The following NUAK2 variants were observed in gnomAD, a reference collection of about 807,000 sequenced individuals.
The protein encoded by NUAK2 is NUAK family kinase 2.
Under a neutral mutation model 29.8 loss-of-function variants are expected in NUAK2, and 20 were observed. The ratio of observed to expected loss-of-function variants is 0.67; its 90% confidence interval spans 0.47 to 0.98. The LOEUF (loss-of-function observed/expected upper bound fraction) is 0.98. Among genes scored for constraint, NUAK2 ranks in the 50% least tolerant of loss-of-function variants. The probability of loss-of-function intolerance (pLI) is 0.00; values close to 1 mark genes in which losing one functional copy is unlikely to be tolerated. For synonymous variants in NUAK2, 331 were observed against 342.6 expected (o/e 0.97, Z 0.37); for missense variants, 719 against 834.5 (o/e 0.86, Z 1.71).
intron 6 of NUAK2, 88 bp downstream of exon 6, chr1:205,305,111 G>T: frequency 1.3e-6 from 2 of 1,519,114 alleles, no homozygotes; most frequent in South Asian, 2.5e-5. Flanking sequence ...TTGCCCGTTT[G>T]ACTTTAGTGC....
rs141334646 is a variant in NUAK2 at position 205,303,653 on chromosome 1, G to A, written c.1684C>T (p.Arg562Trp). ...CCCCGCAGTGGGGGCTCTGGGAGCC[G>A]TTCAGGCAAGTCCAGCTGGTCAAAG... The part of the protein sequence containing the change: ...ESFDQLDLPE[R>W]LPEPPLRGCV... Residue 562 changes from arginine to tryptophan, a missense_variant, in exon 7 of 7, where the codon CGG becomes TGG. Arg to Trp is a moderately radical substitution (Grantham distance 101). Around this residue, in one of 3 missense-constraint regions of NUAK2, gnomAD observed 430 missense variants for 465.7 expected, o/e 0.92. Transcript: ENST00000367157. 1.5e-5 allele frequency: 23 copies of A among 1,578,422 alleles called. No homozygotes were observed. The highest frequency in any genetic ancestry group is 5.6e-5 in the Admixed American group (3 of 53,826).
At position 205,308,594 on chromosome 1, in the gene NUAK2, T is replaced by C. The variant is rs756261319; in HGVS notation, c.491A>G (p.His164Arg). The C allele has an allele frequency of 6.2e-6, 10 of 1,613,742 alleles. No homozygotes were observed. The highest frequency in any genetic ancestry group is 8.5e-6 in the Non-Finnish European group (10 of 1,179,900). Residue 164 changes from histidine to arginine, a missense_variant, in exon 3 of 7, where the codon CAC (histidine) becomes CGC (arginine). His to Arg is a conservative substitution (Grantham distance 29). This residue lies in a region of NUAK2 where 283 missense variants were observed against 345.6 expected (regional missense o/e 0.82). Coordinates refer to ENST00000367157, the MANE Select transcript of NUAK2 (RefSeq NM_030952.3). This position sits in a 1 kb window ranked among gnomAD's most constrained non-coding sequence, Gnocchi z 4.1. The part of the protein sequence containing the change: ...HFFRQIVSAV[H>R]YCHQNRVVHR... The stretch of plus-strand genomic sequence containing the variant: ...GTAGGTGCTCACCTGATGGCAATAG[T>C]GCACGGCAGAGACGATCTGCCGGAA...
chr1:205,303,458 G>A lies in NUAK2; in HGVS notation c.1879C>T (p.Leu627Phe). The A allele has an allele frequency of 1.9e-6, 3 of 1,584,714 alleles. No homozygotes were observed. The highest frequency in any genetic ancestry group is 2.6e-6 in the Non-Finnish European group (3 of 1,165,320). ...YRQALRVCSK[L>F]T ...GGCAATGCCTACTCCACTCAGGTGA[G>A]CTTTGAGCAGACCCTCAGTGCCTGT... is the stretch of plus-strand genomic sequence containing the variant. The change falls in exon 7 of 7, where the codon CTC (leucine) becomes TTC (phenylalanine). Residue 627 changes from leucine to phenylalanine, a missense_variant. Coordinates refer to ENST00000367157, the MANE Select transcript of NUAK2 (RefSeq NM_030952.3).
rs1662206320 is a variant in NUAK2 at position 205,308,107 on chromosome 1, C to T, written c.570+58G>A. On this transcript the variant is annotated intron_variant, in intron 4 of 6. Transcript: ENST00000367157. The surrounding 1 kb of genome is among the most constrained non-coding windows in gnomAD (Gnocchi z 4.1). Reference sequence around the variant, plus strand: ...GAGCTTAGAGCTACTTGGCTGGGGACAGTGCAGAAAAGCTGGGGTGGGCAA... The same window carrying T: ...GAGCTTAGAGCTACTTGGCTGGGGATAGTGCAGAAAAGCTGGGGTGGGCAA... The T allele has an allele frequency of 7.0e-6, 8 of 1,145,988 alleles. No individual in the cohort carries two copies. Among genetic ancestry groups the T allele is most frequent in the Non-Finnish European group, 1.0e-5 (8 of 763,188 alleles). The allele number at this position is 1,145,988 out of a possible 1,614,324, so 71.0% of individuals were successfully genotyped here. A position where few individuals can be genotyped will look rare whatever the true frequency, so the allele number is the denominator to read the frequency against.
At chr1:205,309,042 A>G (rs1347872773) in intron 2 of NUAK2, among the ~76,000 whole-genome samples, 2 of 151,124 alleles carry the variant, frequency 1.3e-5, no homozygotes, top group Non-Finnish European at 2.9e-5. Context: ...ACTAGATGGG[A>G]ATGAAAGGCC....
intron 5 of NUAK2, chr1:205,305,683 A>C: frequency 5.1e-6 from 1 of 195,502 alleles, no homozygotes; most frequent in Non-Finnish European, 9.3e-6. Flanking sequence ...AGGAGACCTA[A>C]GTTCTAGTTC....
At chr1:205,317,700 C>T (rs1192641849) in intron 1 of NUAK2, among the ~76,000 whole-genome samples, 1 of 152,236 alleles carries the variant, frequency 6.6e-6, no homozygotes, top group Non-Finnish European at 1.5e-5. Flanking sequence ...CCCTCCCTGC[C>T]GCTTAGCAGG....
chr1:205,302,420 T>C lies in NUAK2; in HGVS notation c.*1030A>G, dbSNP rs1419409244. 1 of 152,642 alleles carries C rather than the reference T, an allele frequency of 6.6e-6. No homozygotes were observed. Among genetic ancestry groups the C allele is most frequent in the Non-Finnish European group, 1.5e-5 (1 of 68,104 alleles). The allele number at this position is 152,642 out of a possible 1,614,324, so 9.5% of individuals were successfully genotyped here. A position where few individuals can be genotyped will look rare whatever the true frequency, so the allele number is the denominator to read the frequency against. On this transcript the variant is annotated 3_prime_UTR_variant, in exon 7 of 7. Coordinates refer to ENST00000367157, the MANE Select transcript of NUAK2 (RefSeq NM_030952.3). ...AGTTCTGAGTCACTGAGGTCCAAGG[T>C]GGAGTCCAGAGGAGGCTGGGCCCCT...
chr1:205,306,340 A>G (rs1662180161), intron 4 of NUAK2, 33 bp from the exon 5 acceptor site: 1 of 1,589,348 alleles, frequency 6.3e-7, no homozygotes, highest in African/African-American at 1.4e-5. Context: ...GGCACAGGTC[A>G]TGTCAAGGCC....
intron 1 of NUAK2, among the ~76,000 whole-genome samples, chr1:205,315,657 G>A (rs990998437): frequency 2.6e-5 from 4 of 152,100 alleles, no homozygotes; most frequent in South Asian, 2.1e-4. Flanking sequence ...CAAATCACTC[G>A]AGGCCAGAAG....
chr1:205,305,053 G>T, intron 6 of NUAK2, 146 bp downstream of exon 6: 1 of 953,292 alleles, frequency 1.0e-6, no homozygotes, highest in Non-Finnish European at 1.5e-6. Context: ...CTCAACATTG[G>T]ACATACGGTG....
chr1:205,306,405 G>C, intron 4 of NUAK2, 98 bp from the exon 5 acceptor site: 1 of 1,466,536 alleles, frequency 6.8e-7, no homozygotes. Context: ...GGAAACCCAA[G>C]CTCCAATAGA....
chr1:205,303,162 C>T lies in NUAK2; in HGVS notation c.*288G>A. 2 of 246,344 alleles carry T rather than the reference C, an allele frequency of 8.1e-6. No individual in the cohort carries two copies. The allele number at this position is 246,344 out of a possible 1,614,324, so 15.3% of individuals were successfully genotyped here. The stretch of plus-strand genomic sequence containing the variant: ...GTTCTCTTTCCAGGTCTCTGTGGCC[C>T]CCCCATGTACACAAGAAACAGGCAA... On this transcript the variant is annotated 3_prime_UTR_variant, in exon 7 of 7. Coordinates refer to ENST00000367157, the MANE Select transcript of NUAK2 (RefSeq NM_030952.3).
At chr1:205,312,026 C>T (rs1430809854) in intron 1 of NUAK2, among the ~76,000 whole-genome samples, 1 of 152,184 alleles carries the variant, frequency 6.6e-6, no homozygotes, top group Non-Finnish European at 1.5e-5. Context: ...GCTGAGTGCA[C>T]ATGGTCCATG....
intron 1 of NUAK2, among the ~76,000 whole-genome samples, chr1:205,320,925 G>T (rs971595781): frequency 2.0e-5 from 3 of 152,112 alleles, no homozygotes; most frequent in African/African-American, 7.2e-5. Flanking sequence ...CAGTGTGCTG[G>T]GTTGCCAGAT....
chr1:205,317,467 G>T (rs1215119903), intron 1 of NUAK2, among the ~76,000 whole-genome samples: 4 of 152,186 alleles, frequency 2.6e-5, no homozygotes, highest in Non-Finnish European at 5.9e-5. Context: ...GGCAGAGTGG[G>T]GGTGGGCCTA....
In NUAK2 at chr1:205,304,224, C is replaced by G; in HGVS notation, c.1113G>C (p.Gln371His). ...GGSTTPGLER[Q>H]HSLKKSRKEN... ...CCTTGCGGGACTTCTTGAGCGAATG[C>G]TGGCGCTCCAGGCCAGGGGTGGTGC... Residue 371 changes from glutamine to histidine, a missense_variant, in exon 7 of 7, where the codon CAG (glutamine) becomes CAC (histidine). This residue lies in a region of NUAK2 where 430 missense variants were observed against 465.7 expected (regional missense o/e 0.92). Transcript: ENST00000367157. The surrounding 1 kb of genome is among the most constrained non-coding windows in gnomAD (Gnocchi z 6.5). 1 of 1,614,210 alleles carries G rather than the reference C, an allele frequency of 6.2e-7. No homozygotes were observed. Among genetic ancestry groups the G allele is most frequent in the Non-Finnish European group, 8.5e-7 (1 of 1,180,042 alleles).
At position 205,307,932 on chromosome 1, in the gene NUAK2, G is replaced by A. The variant is rs145133923; in HGVS notation, c.570+233C>T. Among the ~76,000 whole-genome samples, 23 of 152,312 alleles carry A rather than the reference G, an allele frequency of 1.5e-4. No individual in the cohort carries two copies. In the East Asian group the frequency reaches 3.9e-3, roughly 26 times the overall value. ...TTGGTTCTAGTCCAGGCTCAGCCACGTGCTAGTTGTGTGATCTTGTGCAAA... is the reference window on the plus strand; with the variant it reads ...TTGGTTCTAGTCCAGGCTCAGCCACATGCTAGTTGTGTGATCTTGTGCAAA... On this transcript the variant is annotated intron_variant, in intron 4 of 6. Transcript: ENST00000367157.
chr1:205,303,969 C>A lies in NUAK2; in HGVS notation c.1368G>T (p.Glu456Asp). ...KGILKKPRQR[E>D]SGYYSSPEPS... The stretch of plus-strand genomic sequence containing the variant: ...GCTCGGGAGAGGAGTAGTAGCCAGA[C>A]TCGCGCTGTCGGGGCTTCTTGAGAA... The change falls in exon 7 of 7, where the codon GAG (glutamate) becomes GAT (aspartate). Residue 456 changes from glutamate (E) to aspartate (D), a missense_variant. Transcript: ENST00000367157. 1 of 1,613,938 alleles carries A rather than the reference C, an allele frequency of 6.2e-7. No homozygotes were observed. The highest frequency in any genetic ancestry group is 8.5e-7 in the Non-Finnish European group (1 of 1,179,982).
Sources: gnomAD v4.1 joint callset for allele counts (sites outside exome capture counted in the v4.1 genomes callset) on GRCh38, gnomAD v4.1.1 for gene constraint, gnomAD v4.1.1 regional missense constraint, Gnocchi (gnomAD v3.1) non-coding constraint, MANE v1.5 for transcripts, NCBI Gene and HGNC (gene_info 2026-07-23, HGNC 2026-07-21) for gene names.